The following CGNL1 variants were observed in gnomAD, a reference collection of about 807,000 sequenced individuals.
The protein encoded by CGNL1 is cingulin like 1.
CGNL1 carries 132 observed loss-of-function variants against 141.2 expected under a neutral mutation model. The ratio of observed to expected loss-of-function variants is 0.93; its 90% CI spans 0.81 to 1.08. The LOEUF is 1.08. Ranked by LOEUF, CGNL1 falls within the 50% of genes least tolerant of loss-of-function variation. The probability of loss-of-function intolerance (pLI) is 0.00; values close to 1 mark genes in which losing one functional copy is unlikely to be tolerated. For synonymous variants in CGNL1, 690 were observed against 622.1 expected, an observed-to-expected ratio of 1.11 and a Z score of -1.63; for missense variants, 1,870 against 1,588.6, an observed-to-expected ratio of 1.18 and a Z score of -3.01.
At chr15:57,502,357 C>T (rs2064037154) in intron 8 of CGNL1, among the ~76,000 whole-genome samples, 1 of 152,126 alleles carries the variant, frequency 6.6e-6, no homozygotes, top group Admixed American at 6.5e-5. Context: ...TTTTGAGAGG[C>T]AGTGTGTTTC....
At chr15:57,427,682 T>C (rs1228406628) in intron 1 of CGNL1, among the ~76,000 whole-genome samples, 1 of 152,260 alleles carries the variant, frequency 6.6e-6, no homozygotes, top group Non-Finnish European at 1.5e-5. Flanking sequence ...GGGAGAATAC[T>C]GAGCTTTGGA....
intron 8 of CGNL1, among the ~76,000 whole-genome samples, chr15:57,494,418 C>G (rs1339540130): frequency 6.6e-6 from 1 of 152,224 alleles, no homozygotes; most frequent in Admixed American, 6.5e-5. Flanking sequence ...GAGTCCACCT[C>G]TGCCACCACC....
intron 8 of CGNL1, among the ~76,000 whole-genome samples, chr15:57,508,054 T>G (rs1293713809): frequency 1.3e-5 from 2 of 152,228 alleles, no homozygotes; most frequent in African/African-American, 4.8e-5. Flanking sequence ...TCTGTATGAT[T>G]TTTGGCATTG....
Position 57,550,016 on chromosome 15 carries a change from G to C in CGNL1, c.*2526G>C, listed in dbSNP as rs1490232175. 6.6e-6 allele frequency: 1 copy of C among 152,178 alleles called. No individual in the cohort carries two copies. The highest frequency in any genetic ancestry group is 1.5e-5 in the Non-Finnish European group (1 of 68,038). The allele number at this position is 152,178 out of a possible 1,614,324, so 9.4% of individuals were successfully genotyped here. ...TGAGAAAGTAGCTGCCCCTCATTCT[G>C]GCCAGTTCTTTCCAGTAGCCATGGG... is the stretch of plus-strand genomic sequence containing the variant. On this transcript the variant is annotated 3_prime_UTR_variant, in exon 19 of 19. Transcript: ENST00000281282.
At chr15:57,453,542 C>T (rs1251475601) in intron 6 of CGNL1, 141 bp from the exon 7 acceptor site, 6 of 1,046,618 alleles carry the variant, frequency 5.7e-6, no homozygotes, top group African/African-American at 4.8e-5. Context: ...TTGGTGATCC[C>T]TTGCTCAGTG....
At chr15:57,445,397 G>C (rs988800995) in intron 4 of CGNL1, among the ~76,000 whole-genome samples, 1 of 152,246 alleles carries the variant, frequency 6.6e-6, no homozygotes, top group Non-Finnish European at 1.5e-5. Context: ...CTCCCTCTTA[G>C]GTTTGGAATC....
chr15:57,504,340 G>A (rs2064070673), intron 8 of CGNL1, among the ~76,000 whole-genome samples: 1 of 152,216 alleles, frequency 6.6e-6, no homozygotes, highest in Admixed American at 6.5e-5. Flanking sequence ...GGGCGGCTGA[G>A]CCAGGATTTA....
At chr15:57,455,903 C>T (rs931724363) in intron 7 of CGNL1, among the ~76,000 whole-genome samples, 12 of 152,096 alleles carry the variant, frequency 7.9e-5, no homozygotes, top group Non-Finnish European at 8.8e-5. Context: ...TAAACCTGTT[C>T]GTGATGTTGC....
intron 13 of CGNL1, among the ~76,000 whole-genome samples, chr15:57,529,426 A>G (rs1415886843): frequency 6.6e-6 from 1 of 152,228 alleles, no homozygotes; most frequent in East Asian, 1.9e-4. Context: ...AACACCACAT[A>G]TTAGAAAAAT....
intron 8 of CGNL1, among the ~76,000 whole-genome samples, chr15:57,503,766 G>A (rs1412675751): frequency 5.3e-5 from 8 of 152,154 alleles, no homozygotes; most frequent in Non-Finnish European, 1.2e-4. Flanking sequence ...AGAAAATGAG[G>A]AAGATACAGA....
intron 8 of CGNL1, among the ~76,000 whole-genome samples, chr15:57,499,427 G>A (rs1335104565): frequency 1.3e-5 from 2 of 151,696 alleles, no homozygotes; most frequent in African/African-American, 2.4e-5. Context: ...TAGTAGAGGC[G>A]GGGTTTCACC....
intron 10 of CGNL1, 87 bp from the exon 11 acceptor site, chr15:57,523,402 G>C (rs1267307874): frequency 2.6e-6 from 3 of 1,167,040 alleles, no homozygotes; most frequent in Middle Eastern, 2.6e-4. Context: ...TTGCTTTGCA[G>C]TGTGACTATG....
At chr15:57,456,949 ATGTC>A (rs2063386276) in intron 7 of CGNL1, among the ~76,000 whole-genome samples, 1 of 152,170 alleles carries the variant, frequency 6.6e-6, no homozygotes, top group African/African-American at 2.4e-5. Flanking sequence ...TTCAGAAATT[ATGTC>A]TCTAAAACTT....
Position 57,524,604 on chromosome 15 carries a change from C to A in CGNL1, c.2892C>A (p.Ser964=). 6.2e-7 allele frequency: 1 copy of A among 1,613,734 alleles called. No homozygotes were observed. The highest frequency in any genetic ancestry group is 1.1e-5 in the South Asian group (1 of 91,006). ...AGATGGCAGACATTGTTGAGGCCTCCCGTACCTCAACCCTGGAGCTCCAGA... is the reference window on the plus strand; with the variant it reads ...AGATGGCAGACATTGTTGAGGCCTCACGTACCTCAACCCTGGAGCTCCAGA... ...QKEMADIVEA[S]RTSTLELQNQ... The change falls in exon 12 of 19, where the codon TCC becomes TCA. Residue 964 remains serine (S), a synonymous_variant. Transcript: ENST00000281282.
chr15:57,481,810 A>T (rs1177282255), intron 8 of CGNL1, among the ~76,000 whole-genome samples: 1 of 152,168 alleles, frequency 6.6e-6, no homozygotes, highest in Non-Finnish European at 1.5e-5. Context: ...AATGGTAATT[A>T]CATGTTTAGC....
chr15:57,461,742 C>T lies in CGNL1; in HGVS notation c.2253C>T (p.Asp751=), dbSNP rs778318742. ...TGATTGCCAAAGAGGAGCAAGAAGA[C>T]CTCTTGAGAAAGCGAGAGCGTGAAC... ...DLLIAKEEQE[D]LLRKRERELT... is the part of the protein sequence containing the mutation. Residue 751 remains aspartate (D), a synonymous_variant, in exon 8 of 19, where the codon GAC becomes GAT. Transcript: ENST00000281282. 1 of 1,614,136 alleles carries T rather than the reference C, an allele frequency of 6.2e-7. No individual in the cohort carries two copies. The highest frequency in any genetic ancestry group is 2.2e-5 in the East Asian group (1 of 44,866).
At chr15:57,509,404 TG>T (rs1343302343) in intron 8 of CGNL1, among the ~76,000 whole-genome samples, 1 of 152,164 alleles carries the variant, frequency 6.6e-6, no homozygotes, top group Non-Finnish European at 1.5e-5. Context: ...AAACCTGATA[TG>T]TCTGTGTACT....
chr15:57,466,144 G>T (rs923437743), intron 8 of CGNL1, among the ~76,000 whole-genome samples: 1 of 152,180 alleles, frequency 6.6e-6, no homozygotes, highest in African/African-American at 2.4e-5. Flanking sequence ...TGTTAGGAGA[G>T]TATATCTACC....
At chr15:57,459,845 T>C (rs1361872906) in intron 7 of CGNL1, among the ~76,000 whole-genome samples, 1 of 152,150 alleles carries the variant, frequency 6.6e-6, no homozygotes, top group Non-Finnish European at 1.5e-5. Flanking sequence ...GGAAGGAGCA[T>C]GATGAATTCT....
Sources: allele counts gnomAD v4.1 joint callset (sites outside exome capture counted in the v4.1 genomes callset), GRCh38; gene constraint gnomAD v4.1.1; transcripts MANE v1.5; gene names NCBI Gene and HGNC (gene_info 2026-07-23, HGNC 2026-07-21).